Variants in MYO18B observed in about 807,000 individuals in gnomAD.
MYO18B encodes unconventional myosin-XVIIIb.
A neutral mutation model predicts 273.0 loss-of-function variants in MYO18B; 204 were observed. The ratio of observed to expected loss-of-function variants is 0.75; its 90% CI spans 0.67 to 0.84. The LOEUF (loss-of-function observed/expected upper bound fraction) is 0.84, where lower values mean the gene tolerates loss of function less well. Among genes scored for constraint, MYO18B ranks in the 40% least tolerant of loss-of-function variants. The pLI, the probability that MYO18B is intolerant of heterozygous loss-of-function variation, is 0.00. For synonymous variants in MYO18B, 1,330 were observed against 1,305.7 expected (o/e 1.02, Z -0.40); for missense variants, 3,212 against 3,287.6 (o/e 0.98, Z 0.56).
chr22:25,850,703 C>CT (rs1230187122), intron 20 of MYO18B, among the ~76,000 whole-genome samples: 1 of 152,142 alleles, frequency 6.6e-6, no homozygotes, highest in Non-Finnish European at 1.5e-5. Context: ...TCCAGAGTAG[C>CT]TGCGACTACA....
intron 40 of MYO18B, among the ~76,000 whole-genome samples, chr22:25,996,122 C>G (rs1260522630): frequency 6.6e-6 from 1 of 152,200 alleles, no homozygotes. Context: ...AATTAGAGAT[C>G]TAATGGTTAA....
Position 25,798,049 on chromosome 22 carries a change from C to A in MYO18B, c.2473C>A (p.Arg825=). 6.2e-7 allele frequency: 1 copy of A among 1,612,192 alleles called. No homozygotes were observed. The highest frequency in any genetic ancestry group is 8.5e-7 in the Non-Finnish European group (1 of 1,178,418). Residue 825 remains arginine, a synonymous_variant, in exon 12 of 44, where the codon CGG becomes AGG. Coordinates refer to ENST00000335473, the MANE Select transcript of MYO18B (RefSeq NM_032608.7). ...ISESEQRAVW[R]VLAAIYHLGA... Reference sequence around the variant, plus strand: ...AGAGAGCGAGCAGCGGGCTGTTTGGCGGGTCCTGGCAGCCATCTACCACCT... The same window carrying A: ...AGAGAGCGAGCAGCGGGCTGTTTGGAGGGTCCTGGCAGCCATCTACCACCT...
chr22:25,966,659 G>A (rs141138429), intron 39 of MYO18B, among the ~76,000 whole-genome samples: 1 of 152,210 alleles, frequency 6.6e-6, no homozygotes, highest in East Asian at 1.9e-4. Flanking sequence ...ATGGCCTCCC[G>A]CATGCTCAGA....
chr22:25,777,034 G>A (rs1325119942), intron 7 of MYO18B, among the ~76,000 whole-genome samples: 4 of 152,110 alleles, frequency 2.6e-5, no homozygotes, highest in African/African-American at 9.7e-5. Context: ...GTGTTATGCT[G>A]TGCCCGAGTG....
intron 15 of MYO18B, among the ~76,000 whole-genome samples, chr22:25,829,849 AT>A (rs1283203570): frequency 6.6e-6 from 1 of 151,688 alleles, no homozygotes; most frequent in African/African-American, 2.4e-5. Context: ...AAAAATAATA[AT>A]AATAATATAA....
At chr22:25,895,406 G>C (rs545724042) in intron 28 of MYO18B, 126 bp downstream of exon 28, 1 of 1,141,026 alleles carries the variant, frequency 8.8e-7, no homozygotes, top group Non-Finnish European at 1.2e-6. Context: ...ACCCCTTAAG[G>C]TTTTTCCATC....
At chr22:25,865,943 G>A (rs997872659) in intron 21 of MYO18B, among the ~76,000 whole-genome samples, 1 of 151,896 alleles carries the variant, frequency 6.6e-6, no homozygotes, top group Admixed American at 6.6e-5. Flanking sequence ...AGCTCCCTTG[G>A]AACATGTTTG....
chr22:25,809,809 A>C (rs2088654656), intron 12 of MYO18B, among the ~76,000 whole-genome samples: 1 of 152,150 alleles, frequency 6.6e-6, no homozygotes, highest in African/African-American at 2.4e-5. Context: ...ATGCTCTTCA[A>C]GCTGTGGTAA....
downstream of MYO18B, among the ~76,000 whole-genome samples, chr22:26,034,357 A>G (rs6004902): frequency 0.31 from 47,838 of 152,124 alleles, 11,269 homozygotes; most frequent in African/African-American, 0.66. Flanking sequence ...CCCCAGGTCA[A>G]AGAGTCTCTC....
At chr22:25,863,328 A>G (rs182864687) in intron 21 of MYO18B, among the ~76,000 whole-genome samples, 1,813 of 152,326 alleles carry the variant, frequency 0.012, 22 homozygotes, top group Non-Finnish European at 0.016. Flanking sequence ...CTGAACCCAC[A>G]AAGATACTTT....
At chr22:25,876,477 T>G in intron 24 of MYO18B, 145 bp downstream of exon 24, 1 of 861,816 alleles carries the variant, frequency 1.2e-6, no homozygotes, top group Non-Finnish European at 1.7e-6. Context: ...CCCTTCCAGA[T>G]GTTCCTCTGC....
At chr22:25,883,000 G>T (rs908127138) in intron 25 of MYO18B, among the ~76,000 whole-genome samples, 1 of 152,080 alleles carries the variant, frequency 6.6e-6, no homozygotes, top group African/African-American at 2.4e-5. Flanking sequence ...GGGCTAAAGC[G>T]AACCTCCTAC....
intron 1 of MYO18B, among the ~76,000 whole-genome samples, chr22:25,752,969 T>C (rs1433950319): frequency 1.3e-5 from 2 of 152,208 alleles, no homozygotes; most frequent in African/African-American, 2.4e-5. Flanking sequence ...GAGGGTGCGC[T>C]GGGTCCCCCA....
chr22:25,898,919 C>T (rs1220772871), intron 29 of MYO18B: 3 of 163,024 alleles, frequency 1.8e-5, no homozygotes, highest in Admixed American at 1.7e-4. Flanking sequence ...GATAAGATCG[C>T]CCCCTTGTGC....
chr22:25,807,737 A>T (rs1279617723), intron 12 of MYO18B, among the ~76,000 whole-genome samples: 2 of 152,178 alleles, frequency 1.3e-5, no homozygotes, highest in South Asian at 2.1e-4. Context: ...CACAATTTCA[A>T]GGATGAGCGA....
At chr22:25,971,713 G>C (rs1200600354) in intron 39 of MYO18B, among the ~76,000 whole-genome samples, 2 of 152,168 alleles carry the variant, frequency 1.3e-5, no homozygotes, top group Admixed American at 6.5e-5. Flanking sequence ...GAAATCCCAA[G>C]TATGCAAATT....
chr22:25,883,022 A>G lies in MYO18B; in HGVS notation c.4314+4974A>G, dbSNP rs1295043936. 1.1e-4 allele frequency among the ~76,000 whole-genome samples: 17 copies of G among 152,008 alleles called. No homozygotes were observed. On this transcript the variant is annotated intron_variant, in intron 25 of 43. Coordinates refer to ENST00000335473, the MANE Select transcript of MYO18B (RefSeq NM_032608.7). This position sits in a 1 kb window ranked among gnomAD's most constrained non-coding sequence, Gnocchi z 7.6. ...AGCGAACCTCCTACTTCAGCCTCCC[A>G]TGTAGCCAGGACCACAGGCGTGCAT...
chr22:26,052,479 C>G, the MYO18B span, among the ~76,000 whole-genome samples: 2 of 152,184 alleles, frequency 1.3e-5, no homozygotes, highest in African/African-American at 2.4e-5. Flanking sequence ...TCCTTCCCTC[C>G]CTTCCCCTAC....
intron 14 of MYO18B, among the ~76,000 whole-genome samples, chr22:25,827,522 C>G (rs866697145): frequency 6.6e-6 from 1 of 152,220 alleles, no homozygotes; most frequent in Non-Finnish European, 1.5e-5. Flanking sequence ...AATTCAGAGC[C>G]TAGGCAAAGG....
Sources: gnomAD v4.1 joint callset for allele counts (sites outside exome capture counted in the v4.1 genomes callset) on GRCh38, gnomAD v4.1.1 for gene constraint, Gnocchi (gnomAD v3.1) non-coding constraint, MANE v1.5 for transcripts, NCBI Gene and HGNC (gene_info 2026-07-23, HGNC 2026-07-21) for gene names.